ATAD5: variants seen among roughly 807,000 people sequenced by gnomAD.
The protein encoded by ATAD5 is ATPase family AAA domain containing 5, also known as ATPase family AAA domain-containing protein 5.
A neutral mutation model predicts 176.9 loss-of-function variants in ATAD5; 58 were observed. The observed-to-expected ratio is 0.33, with a 90% CI of 0.27 to 0.41. ATAD5 has a LOEUF of 0.41. Among genes scored for constraint, ATAD5 ranks in the 10% least tolerant of loss-of-function variants. The pLI, the probability that ATAD5 is intolerant of heterozygous loss-of-function variation, is 1.00. For missense variants in ATAD5, 1,789 were observed against 2,094.1 expected (o/e 0.85, Z 2.84); for synonymous variants, 640 against 712.6 (o/e 0.90, Z 1.62).
intron 6 of ATAD5, among the ~76,000 whole-genome samples, chr17:30,852,152 C>T (rs1263117786): frequency 6.6e-6 from 1 of 152,134 alleles, no homozygotes; most frequent in Non-Finnish European, 1.5e-5. Flanking sequence ...CTCAGTTTAT[C>T]TATTTATTCA....
Position 30,895,047 on chromosome 17 carries a change from TGGC to T in ATAD5, c.*137_*139del, listed in dbSNP as rs1909836977. ...ACAAACAATTTGTATATTTTTTTATTGGCGGGTAAATATTTAAAATATTTGAGT... is the reference window on the plus strand; with the variant it reads ...ACAAACAATTTGTATATTTTTTTATTGGGTAAATATTTAAAATATTTGAGT... On this transcript the variant is annotated 3_prime_UTR_variant, in exon 23 of 23. Transcript: ENST00000321990. The T allele has an allele frequency of 1.8e-6, 1 of 561,124 alleles. No individual in the cohort carries two copies. The highest frequency in any genetic ancestry group is 2.0e-5 in the African/African-American group (1 of 50,986). The allele number at this position is 561,124 out of a possible 1,614,324, so 34.8% of individuals were successfully genotyped here. A position where few individuals can be genotyped will look rare whatever the true frequency, so the allele number is the denominator to read the frequency against.
chr17:30,843,790 G>C, intron 4 of ATAD5, 123 bp from the exon 5 acceptor site: 1 of 490,774 alleles, frequency 2.0e-6, no homozygotes, highest in Non-Finnish European at 3.4e-6. Context: ...GATAATATCT[G>C]ATGGGAGGTG....
chr17:30,841,942 AATAT>A (rs1906145112), intron 4 of ATAD5, among the ~76,000 whole-genome samples: 1 of 150,776 alleles, frequency 6.6e-6, no homozygotes, highest in South Asian at 2.1e-4. Flanking sequence ...CTTCTGGTTG[AATAT>A]ATAAAAAGAA....
intron 10 of ATAD5, among the ~76,000 whole-genome samples, chr17:30,863,664 CTTT>C (rs58611804): frequency 1.9e-5 from 2 of 107,256 alleles, no homozygotes; most frequent in Admixed American, 1.1e-4. Flanking sequence ...CCGCGTCCGG[CTTT>C]TTTTTTTTTT....
At chr17:30,888,542 TAAA>T (rs1214266590) in intron 19 of ATAD5, among the ~76,000 whole-genome samples, 1 of 151,476 alleles carries the variant, frequency 6.6e-6, no homozygotes, top group Non-Finnish European at 1.5e-5. Flanking sequence ...AGACTCTGAC[TAAA>T]AAAAAATTTT....
chr17:30,888,192 T>C (rs1279190603), intron 19 of ATAD5, among the ~76,000 whole-genome samples: 1 of 152,166 alleles, frequency 6.6e-6, no homozygotes, highest in Admixed American at 6.6e-5. Context: ...GTTGAAAGAT[T>C]ATAAAAATTT....
chr17:30,894,680 G>A lies in ATAD5; in HGVS notation c.5414G>A (p.Cys1805Tyr). The A allele has an allele frequency of 6.2e-7, 1 of 1,613,016 alleles. No individual in the cohort carries two copies. Among genetic ancestry groups the A allele is most frequent in the Non-Finnish European group, 8.5e-7 (1 of 1,179,586 alleles). ...TACCTGCCAACCCTTCGAAACATCT[G>A]TAAGACTGAGAAGCTAAAAGAACAA... ...IEYLPTLRNI[C>Y]KTEKLKEQGK... The change falls in exon 22 of 23, where the codon TGT becomes TAT. Residue 1805 changes from cysteine (C) to tyrosine (Y), a missense_variant. Coordinates refer to ENST00000321990, the MANE Select transcript of ATAD5 (RefSeq NM_024857.5).
intron 2 of ATAD5, 130 bp from the exon 3 acceptor site, chr17:30,837,076 T>C: frequency 1.8e-6 from 1 of 546,048 alleles, no homozygotes; most frequent in Non-Finnish European, 3.2e-6. Context: ...TCCTTCCATA[T>C]TAGGGTCCTG....
chr17:30,880,931 C>T (rs981450774), intron 18 of ATAD5, among the ~76,000 whole-genome samples: 2 of 151,876 alleles, frequency 1.3e-5, no homozygotes, highest in Non-Finnish European at 2.9e-5. Flanking sequence ...TTTCCATTAC[C>T]TCCTAAAGTT....
chr17:30,843,810 G>A, intron 4 of ATAD5, 103 bp from the exon 5 acceptor site: 1 of 648,688 alleles, frequency 1.5e-6, no homozygotes, highest in Non-Finnish European at 2.4e-6. Context: ...GTATGGAGCT[G>A]CTAATTATGT....
chr17:30,893,807 T>A lies in ATAD5; in HGVS notation c.4954T>A (p.Phe1652Ile). The change falls in exon 21 of 23, where the codon TTC (phenylalanine) becomes ATC (isoleucine). Residue 1652 changes from phenylalanine (F) to isoleucine (I), a missense_variant. Coordinates refer to ENST00000321990, the MANE Select transcript of ATAD5 (RefSeq NM_024857.5). ...TCATTGTTTAAATTCTCTCTCTGAG[T>A]TCATGGATAACATGTCCTTCTTAGA... is the stretch of plus-strand genomic sequence containing the variant. The part of the protein sequence containing the change: ...VSHCLNSLSE[F>I]MDNMSFLDAL... 2 of 1,614,104 alleles carry A rather than the reference T, an allele frequency of 1.2e-6. No homozygotes were observed. Among genetic ancestry groups the A allele is most frequent in the Non-Finnish European group, 1.7e-6 (2 of 1,179,954 alleles).
At chr17:30,841,891 T>C (rs555418462) in intron 4 of ATAD5, among the ~76,000 whole-genome samples, 3 of 152,254 alleles carry the variant, frequency 2.0e-5, no homozygotes, top group Middle Eastern at 3.4e-3. Flanking sequence ...TTCTGAACAT[T>C]TTACCCCCTC....
At position 30,834,235 on chromosome 17, in the gene ATAD5, A is replaced by C. The variant is rs139839085; in HGVS notation, c.154A>C (p.Arg52=). The C allele has an allele frequency of 3.6e-4, 583 of 1,613,192 alleles. No individual in the cohort carries two copies. The Middle Eastern group carries it at 3.6e-3, about 10-fold the overall frequency. Residue 52 remains arginine, a synonymous_variant, in exon 2 of 23, where the codon AGG becomes CGG. Transcript: ENST00000321990. ...YLSPLGKTRD[R]VFAPPKPSNI... The stretch of plus-strand genomic sequence containing the variant: ...ATCACCACTAGGGAAGACTAGAGAC[A>C]GGGTTTTTGCTCCACCAAAACCTAG...
rs1386910496 is a variant in ATAD5, at chr17:30,860,584, T to C, written c.3108T>C (p.Ser1036=). 1.1e-5 allele frequency: 17 copies of C among 1,578,734 alleles called. No homozygotes were observed. Among genetic ancestry groups the C allele is most frequent in the Non-Finnish European group, 1.5e-5 (17 of 1,171,650 alleles). ...AAGAACTTAGCAAAAGAAACAACTC[T>C]TCTGGGATAAAGCTAGATTCTTCCA... is the stretch of plus-strand genomic sequence containing the variant. The part of the protein sequence containing the change: ...KSEELSKRNN[S]SGIKLDSSKD... Residue 1036 remains serine (S), a synonymous_variant, in exon 10 of 23, where the codon TCT becomes TCC. Coordinates refer to ENST00000321990, the MANE Select transcript of ATAD5 (RefSeq NM_024857.5).
chr17:30,843,067 C>G (rs377063739), intron 4 of ATAD5, among the ~76,000 whole-genome samples: 288 of 151,480 alleles, frequency 1.9e-3, no homozygotes, highest in African/African-American at 6.5e-3. Context: ...AAAAAGAAAG[C>G]CTTTTTGGGC....
rs796719728 is a variant in ATAD5 at position 30,882,352 on chromosome 17, C to T, written c.4077+2865C>T. Among the ~76,000 whole-genome samples the T allele has an allele frequency of 3.3e-5, 5 of 152,056 alleles. No homozygotes were observed. The East Asian group carries it at 9.7e-4, about 29-fold the overall frequency. On this transcript the variant is annotated intron_variant, in intron 18 of 22. Coordinates refer to ENST00000321990, the MANE Select transcript of ATAD5 (RefSeq NM_024857.5). Reference sequence around the variant, plus strand: ...CCAAGGTGGGTGGATCCCTTGAGCCCAGAAGTTCAAGACCAGCCTGGGCAA... The same window carrying T: ...CCAAGGTGGGTGGATCCCTTGAGCCTAGAAGTTCAAGACCAGCCTGGGCAA...
At chr17:30,858,806 G>C (rs1394639790) in intron 9 of ATAD5, among the ~76,000 whole-genome samples, 1 of 152,186 alleles carries the variant, frequency 6.6e-6, no homozygotes, top group African/African-American at 2.4e-5. Flanking sequence ...TCAGCCTCCT[G>C]AGTAGCTGGG....
chr17:30,873,600 G>A (rs897459491), intron 14 of ATAD5, among the ~76,000 whole-genome samples: 83 of 151,872 alleles, frequency 5.5e-4, no homozygotes, highest in African/African-American at 1.8e-3. Context: ...TTACAGGCGT[G>A]AGCCACTGTG....
At chr17:30,863,595 T>C (rs1358672331) in intron 10 of ATAD5, among the ~76,000 whole-genome samples, 1 of 151,132 alleles carries the variant, frequency 6.6e-6, no homozygotes, top group Admixed American at 6.6e-5. Context: ...CTTGATCTCC[T>C]GACCTTGTGA....
Sources: gnomAD v4.1 joint callset for allele counts (sites outside exome capture counted in the v4.1 genomes callset) on GRCh38, gnomAD v4.1.1 for gene constraint, MANE v1.5 for transcripts, NCBI Gene and HGNC (gene_info 2026-07-23, HGNC 2026-07-21) for gene names.